APBA2: variants seen among roughly 807,000 people sequenced by gnomAD.
APBA2 encodes amyloid beta precursor protein binding family A member 2.
Under a neutral mutation model 75.0 loss-of-function variants are expected in APBA2, and 30 were observed. The ratio of observed to expected loss-of-function variants is 0.40; its 90% CI spans 0.30 to 0.54. APBA2 has a LOEUF of 0.54. APBA2 is among the 20% of genes least tolerant of loss of function. APBA2 has a pLI of 0.49. For missense variants in APBA2, 801 were observed against 1,016.1 expected (o/e 0.79, Z 2.88); for synonymous variants, 444 against 409.6 (o/e 1.08, Z -1.01).
At chr15:28,895,448 C>T (rs1229490665) in intron 1 of APBA2, 1 of 152,382 alleles carries the variant, frequency 6.6e-6, no homozygotes, top group Non-Finnish European at 1.5e-5. Context: ...TCTGGGGAGA[C>T]ATTCGGGTGC....
intron 2 of APBA2, among the ~76,000 whole-genome samples, chr15:28,945,726 C>T (rs1002077043): frequency 7.2e-5 from 11 of 152,070 alleles, no homozygotes; most frequent in Admixed American, 7.2e-4. Flanking sequence ...ACATGTTAGC[C>T]AGGCTGGTAA....
chr15:29,064,622 G>T, intron 4 of APBA2, among the ~76,000 whole-genome samples: 1 of 152,090 alleles, frequency 6.6e-6, no homozygotes, highest in Non-Finnish European at 1.5e-5. Flanking sequence ...GAGGTGTGTG[G>T]GTGTCCTCAG....
chr15:28,941,975 G>A (rs2035259056), intron 2 of APBA2, among the ~76,000 whole-genome samples: 1 of 152,184 alleles, frequency 6.6e-6, no homozygotes, highest in Admixed American at 6.5e-5. Context: ...TAGCCAGGAT[G>A]GTCTCGATCT....
At chr15:29,071,124 G>A (rs1336029525) in intron 4 of APBA2, 1 of 451,964 alleles carries the variant, frequency 2.2e-6, no homozygotes, top group Admixed American at 2.4e-5. Context: ...GTTTGGTGTT[G>A]TTTCATCCAA....
At chr15:28,956,134 G>A (rs2036155863) in intron 2 of APBA2, among the ~76,000 whole-genome samples, 1 of 152,150 alleles carries the variant, frequency 6.6e-6, no homozygotes, top group African/African-American at 2.4e-5. Context: ...AATGTGGTTG[G>A]TTACCATGTG....
At chr15:28,958,786 AG>A (rs2152734058) in intron 2 of APBA2, among the ~76,000 whole-genome samples, 1 of 151,310 alleles carries the variant, frequency 6.6e-6, no homozygotes, top group South Asian at 2.1e-4. Context: ...CCAAAGCAGG[AG>A]GGTCGTTGTT....
intron 1 of APBA2, among the ~76,000 whole-genome samples, chr15:28,896,762 C>T (rs551311751): frequency 7.2e-5 from 11 of 152,192 alleles, no homozygotes; most frequent in Non-Finnish European, 1.3e-4. Flanking sequence ...ATAAAACCCA[C>T]CCATATTTGT....
Position 29,113,864 on chromosome 15 carries a change from A to G in APBA2, c.2038-12A>G, listed in dbSNP as rs1359050509. 1.2e-6 allele frequency: 2 copies of G among 1,608,340 alleles called. No individual in the cohort carries two copies. The highest frequency in any genetic ancestry group is 1.7e-6 in the Non-Finnish European group (2 of 1,179,168). On this transcript the variant is annotated splice_polypyrimidine_tract_variant and intron_variant, in intron 13 of 14. Transcript: ENST00000683413. The stretch of plus-strand genomic sequence containing the variant: ...CGGGAACACGTGTGCTGACCTGGCC[A>G]TGTCTGCTTAGATCTGCAGCCTCAT...
intron 2 of APBA2, among the ~76,000 whole-genome samples, chr15:28,962,461 C>A (rs1215385095): frequency 6.6e-6 from 1 of 152,030 alleles, no homozygotes; most frequent in African/African-American, 2.4e-5. Context: ...CCCAGCTACT[C>A]AGGAGGCTGA....
At chr15:28,911,822 T>C (rs1365085555) in intron 1 of APBA2, among the ~76,000 whole-genome samples, 2 of 152,146 alleles carry the variant, frequency 1.3e-5, no homozygotes, top group East Asian at 1.9e-4. Flanking sequence ...GCTTTAGTGA[T>C]GGAGGGATGG....
At chr15:28,978,250 A>C (rs1285388854) in intron 2 of APBA2, among the ~76,000 whole-genome samples, 3 of 152,324 alleles carry the variant, frequency 2.0e-5, no homozygotes, top group African/African-American at 7.2e-5. Context: ...ACCATGTTGC[A>C]GTGCAGAAGC....
intron 2 of APBA2, among the ~76,000 whole-genome samples, chr15:28,930,823 T>C (rs1033011516): frequency 1.3e-5 from 2 of 152,182 alleles, no homozygotes; most frequent in African/African-American, 4.8e-5. Context: ...TGCCCTTGAC[T>C]GCTCTCCCTA....
intron 2 of APBA2, among the ~76,000 whole-genome samples, chr15:28,993,929 G>A (rs1336831814): frequency 6.6e-6 from 1 of 152,204 alleles, no homozygotes; most frequent in Non-Finnish European, 1.5e-5. Flanking sequence ...TGCCTGGAGA[G>A]GACAGGGGCT....
chr15:29,008,286 T>C (rs984604572), intron 3 of APBA2, among the ~76,000 whole-genome samples: 1 of 152,140 alleles, frequency 6.6e-6, no homozygotes, highest in African/African-American at 2.4e-5. Flanking sequence ...TTTTACAAAG[T>C]GAAAAGAGTT....
At chr15:29,116,145 TTGGTCTCCCTGGGGCGGTC>T (rs1294482327) in intron 14 of APBA2, among the ~76,000 whole-genome samples, 1 of 152,108 alleles carries the variant, frequency 6.6e-6, no homozygotes, top group African/African-American at 2.4e-5. Flanking sequence ...ACCCACACGG[TTGGTCTCCCTGGGGCGGTC>T]TGAGGCCTTG....
At chr15:28,903,380 C>A (rs1056198294) in intron 1 of APBA2, among the ~76,000 whole-genome samples, 1 of 152,188 alleles carries the variant, frequency 6.6e-6, no homozygotes, top group Admixed American at 6.5e-5. Context: ...GGGCTGGCAC[C>A]TGAGCATTTA....
intron 3 of APBA2, among the ~76,000 whole-genome samples, chr15:29,016,384 A>G (rs2039665170): frequency 6.6e-6 from 1 of 152,192 alleles, no homozygotes; most frequent in African/African-American, 2.4e-5. Context: ...GTCACAAGGA[A>G]GCACAAATTC....
chr15:28,967,600 G>A (rs971479612), intron 2 of APBA2, among the ~76,000 whole-genome samples: 14 of 151,994 alleles, frequency 9.2e-5, no homozygotes, highest in African/African-American at 3.1e-4. Context: ...CACCACGCCC[G>A]GCTAATTTTT....
intron 6 of APBA2, among the ~76,000 whole-genome samples, chr15:29,076,876 C>G (rs913507194): frequency 6.6e-6 from 1 of 152,112 alleles, no homozygotes; most frequent in Non-Finnish European, 1.5e-5. Context: ...TGCTGCTTTT[C>G]TTTTTTTAGC....
Sources: gnomAD v4.1 joint callset for allele counts (sites outside exome capture counted in the v4.1 genomes callset) on GRCh38, gnomAD v4.1.1 for gene constraint, MANE v1.5 for transcripts, NCBI Gene and HGNC (gene_info 2026-07-23, HGNC 2026-07-21) for gene names.